NRG3: variants seen among roughly 807,000 people sequenced by gnomAD.
NRG3 encodes the protein neuregulin 3, also known as pro-neuregulin-3, membrane-bound isoform.
Under a neutral mutation model 66.9 loss-of-function variants are expected in NRG3, and 31 were observed. The ratio of observed to expected loss-of-function variants is 0.46; its 90% CI spans 0.35 to 0.63. The LOEUF (loss-of-function observed/expected upper bound fraction) is 0.63, where lower values mean the gene tolerates loss of function less well. Among genes scored for constraint, NRG3 ranks in the 20% least tolerant of loss-of-function variants. NRG3 has a pLI of 0.00. For missense variants in NRG3, 910 were observed against 878.9 expected (o/e 1.04, Z -0.45); for synonymous variants, 393 against 359.4 (o/e 1.09, Z -1.06).
intron 2 of NRG3, among the ~76,000 whole-genome samples, chr10:82,474,703 T>G (rs1841601665): frequency 6.6e-6 from 1 of 152,038 alleles, no homozygotes; most frequent in Non-Finnish European, 1.5e-5. Flanking sequence ...GATATCTTAT[T>G]TAAAGAAATA....
intron 2 of NRG3, among the ~76,000 whole-genome samples, chr10:82,555,591 A>G (rs1294152561): frequency 6.6e-6 from 1 of 152,152 alleles, no homozygotes; most frequent in East Asian, 1.9e-4. Context: ...CCTCCCAACA[A>G]CTAACCTCAA....
chr10:82,546,704 T>A lies in NRG3; in HGVS notation c.953+187836T>A, dbSNP rs377265614. Among the ~76,000 whole-genome samples the A allele has an allele frequency of 4.6e-5, 7 of 152,312 alleles. No individual in the cohort carries two copies. The East Asian group carries it at 1.3e-3, about 29-fold the overall frequency. ...TTAGTCTCCACCCAATCATCCATCTTCACTTAACTTTTCCACTCATATATC... is the reference window on the plus strand; with the variant it reads ...TTAGTCTCCACCCAATCATCCATCTACACTTAACTTTTCCACTCATATATC... On this transcript the variant is annotated intron_variant, in intron 2 of 8. Coordinates refer to ENST00000372141, the MANE Select transcript of NRG3 (RefSeq NM_001010848.4).
chr10:81,909,459 G>T (rs111269653), intron 1 of NRG3, among the ~76,000 whole-genome samples: 1 of 152,260 alleles, frequency 6.6e-6, no homozygotes, highest in East Asian at 1.9e-4. Context: ...TGTGGTGAGG[G>T]TGTTGGTGAT....
intron 4 of NRG3, among the ~76,000 whole-genome samples, chr10:82,911,752 CTA>C (rs1487517083): frequency 1.3e-5 from 2 of 151,146 alleles, no homozygotes; most frequent in Non-Finnish European, 1.5e-5. Context: ...TGATATTGCT[CTA>C]GTTTTTATTA....
chr10:82,631,809 A>G (rs2049858772), intron 2 of NRG3, among the ~76,000 whole-genome samples: 1 of 152,096 alleles, frequency 6.6e-6, no homozygotes, highest in Admixed American at 6.5e-5. Flanking sequence ...AAATTTAAAA[A>G]TAACACCCAT....
rs530247748 is a variant in NRG3 at position 82,279,910 on chromosome 10, T to C, written c.824-78829T>C. ...TTTCTCTGGAAGAGTTCTTAAAATA[T>C]AGTGAACAAATACTTAGCTATTGAA... On this transcript the variant is annotated intron_variant, in intron 1 of 8. Coordinates refer to ENST00000372141, the MANE Select transcript of NRG3 (RefSeq NM_001010848.4). Among the ~76,000 whole-genome samples, 73 of 152,314 alleles carry C rather than the reference T, an allele frequency of 4.8e-4. 1 individual carries two copies. The highest frequency in any genetic ancestry group is 2.6e-4 in the Non-Finnish European group (18 of 68,014).
chr10:82,301,111 G>A (rs968416631), intron 1 of NRG3, among the ~76,000 whole-genome samples: 15 of 152,178 alleles, frequency 9.9e-5, no homozygotes, highest in Admixed American at 3.9e-4. Context: ...TGTAATATTT[G>A]TGCTGTGTTT....
intron 4 of NRG3, among the ~76,000 whole-genome samples, chr10:82,949,146 A>C (rs1208163262): frequency 3.9e-5 from 6 of 152,162 alleles, no homozygotes; most frequent in Admixed American, 3.9e-4. Context: ...TAGTTGTTAA[A>C]TTATCTGCTT....
intron 1 of NRG3, among the ~76,000 whole-genome samples, chr10:82,050,233 A>T (rs569215763): frequency 1.3e-5 from 2 of 152,130 alleles, no homozygotes; most frequent in African/African-American, 4.8e-5. Context: ...TTTTCTTCAT[A>T]CATTACTGTC....
chr10:82,744,011 C>A (rs1286375334), intron 3 of NRG3, among the ~76,000 whole-genome samples: 1 of 152,144 alleles, frequency 6.6e-6, no homozygotes, highest in Non-Finnish European at 1.5e-5. Flanking sequence ...TTTGGCAAAG[C>A]ACAGTTTATT....
chr10:81,963,056 A>G (rs974824666), intron 1 of NRG3, among the ~76,000 whole-genome samples: 3 of 151,494 alleles, frequency 2.0e-5, no homozygotes, highest in East Asian at 1.9e-4. Context: ...ACAAGTCACA[A>G]TGCAAACAAA....
chr10:82,272,404 T>C (rs1010924732), intron 1 of NRG3, among the ~76,000 whole-genome samples: 7 of 151,904 alleles, frequency 4.6e-5, no homozygotes, highest in African/African-American at 1.7e-4. Context: ...CCTAGGGAGT[T>C]TGGAATTGCT....
At chr10:82,371,954 C>T (rs2084922538) in intron 2 of NRG3, among the ~76,000 whole-genome samples, 1 of 152,128 alleles carries the variant, frequency 6.6e-6, no homozygotes, top group Non-Finnish European at 1.5e-5. Context: ...GGCCCCTCCT[C>T]CCAACACCCC....
chr10:81,994,573 A>T (rs534313032), intron 1 of NRG3, among the ~76,000 whole-genome samples: 14 of 151,728 alleles, frequency 9.2e-5, no homozygotes, highest in Admixed American at 2.6e-4. Flanking sequence ...GATAGATAGC[A>T]TGTCGAATAG....
intron 1 of NRG3, among the ~76,000 whole-genome samples, chr10:82,003,550 T>G (rs535781372): frequency 9.9e-5 from 15 of 152,240 alleles, no homozygotes; most frequent in Admixed American, 2.0e-4. Flanking sequence ...CTGTACTGTT[T>G]CAGAAGCCAA....
chr10:82,476,916 G>A (rs772701468), intron 2 of NRG3, among the ~76,000 whole-genome samples: 18 of 152,154 alleles, frequency 1.2e-4, no homozygotes, highest in Non-Finnish European at 2.2e-4. Flanking sequence ...ATCAAAATAA[G>A]CCTTATGGAA....
chr10:82,822,078 T>C (rs2061976547), intron 3 of NRG3, among the ~76,000 whole-genome samples: 1 of 151,910 alleles, frequency 6.6e-6, no homozygotes, highest in Non-Finnish European at 1.5e-5. Flanking sequence ...GACTGAAACA[T>C]AGAGGGTTTA....
chr10:82,891,787 G>T (rs935956625), intron 4 of NRG3, among the ~76,000 whole-genome samples: 1 of 151,722 alleles, frequency 6.6e-6, no homozygotes, highest in Non-Finnish European at 1.5e-5. Context: ...CTCTGTCTGG[G>T]TAGACCATCT....
intron 3 of NRG3, among the ~76,000 whole-genome samples, chr10:82,813,912 G>A (rs961158290): frequency 2.0e-5 from 3 of 152,198 alleles, no homozygotes; most frequent in African/African-American, 7.2e-5. Flanking sequence ...GGTCTTGAGA[G>A]GACTATGGGA....
Sources: gnomAD v4.1 joint callset for allele counts (sites outside exome capture counted in the v4.1 genomes callset) on GRCh38, gnomAD v4.1.1 for gene constraint, MANE v1.5 for transcripts, NCBI Gene and HGNC (gene_info 2026-07-23, HGNC 2026-07-21) for gene names.